Variants in ZDHHC17 observed in about 807,000 individuals in gnomAD.
ZDHHC17 encodes the protein zDHHC palmitoyltransferase 17, also known as palmitoyltransferase ZDHHC17.
A neutral mutation model predicts 90.3 loss-of-function variants in ZDHHC17; 40 were observed. The observed-to-expected ratio is 0.44, with a 90% CI of 0.34 to 0.58. The LOEUF (loss-of-function observed/expected upper bound fraction) is 0.58. ZDHHC17 is among the 20% of genes least tolerant of loss of function. ZDHHC17 has a pLI of 0.01. For missense variants in ZDHHC17, 614 were observed against 780.8 expected (o/e 0.79, Z 2.55); for synonymous variants, 235 against 252.4 (o/e 0.93, Z 0.65).
At chr12:76,764,888 AAG>A in intron 1 of ZDHHC17, 1 of 451,108 alleles carries the variant, frequency 2.2e-6, no homozygotes, top group Admixed American at 2.4e-5. Context: ...AGCGATTAAG[AAG>A]AGAGGTAAAA....
chr12:76,830,113 C>CT (rs1475934864), intron 10 of ZDHHC17, among the ~76,000 whole-genome samples: 14 of 152,148 alleles, frequency 9.2e-5, no homozygotes, highest in Admixed American at 8.5e-4. Flanking sequence ...GCAAGTTAGA[C>CT]TGATTTATTG....
intron 7 of ZDHHC17, 80 bp downstream of exon 7, chr12:76,816,099 A>C (rs1953084407): frequency 2.5e-6 from 3 of 1,198,732 alleles, no homozygotes; most frequent in Non-Finnish European, 2.2e-6. Context: ...TTTTTCATAG[A>C]CTGTCAGAGT....
chr12:76,785,248 G>GT (rs1285785531), intron 1 of ZDHHC17, among the ~76,000 whole-genome samples: 4 of 152,074 alleles, frequency 2.6e-5, no homozygotes, highest in Non-Finnish European at 5.9e-5. Context: ...AGGACCTTCA[G>GT]TTTTTTAGGG....
chr12:76,813,308 C>A, intron 5 of ZDHHC17: 1 of 437,636 alleles, frequency 2.3e-6, no homozygotes, highest in East Asian at 7.3e-5. Context: ...TTTTTTAAGC[C>A]ACAGGATTAT....
intron 9 of ZDHHC17, 58 bp downstream of exon 9, chr12:76,827,108 C>A: frequency 6.8e-7 from 1 of 1,470,998 alleles, no homozygotes; most frequent in South Asian, 1.4e-5. Flanking sequence ...ATAATTTGTA[C>A]TCTTGTATAA....
At chr12:76,842,553 A>T (rs7956561) in intron 11 of ZDHHC17, among the ~76,000 whole-genome samples, 149,173 of 152,292 alleles carry the variant, frequency 0.98, 73,132 homozygotes, top group Middle Eastern at 1. Context: ...GGAAACCAAT[A>T]TTATAATCTA....
intron 2 of ZDHHC17, among the ~76,000 whole-genome samples, chr12:76,800,359 A>G (rs1952870934): frequency 6.6e-6 from 1 of 152,364 alleles, no homozygotes; most frequent in Admixed American, 6.5e-5. Flanking sequence ...ACATGAATCC[A>G]GGCTGGCCAC....
At chr12:76,844,548 T>C (rs1478010712) in intron 12 of ZDHHC17, 2 of 152,174 alleles carry the variant, frequency 1.3e-5, no homozygotes, top group African/African-American at 4.8e-5. Context: ...CTTAACCAGT[T>C]AGTCTGTTTT....
intron 10 of ZDHHC17, among the ~76,000 whole-genome samples, chr12:76,837,240 G>A (rs1953376902): frequency 6.6e-6 from 1 of 152,130 alleles, no homozygotes; most frequent in Non-Finnish European, 1.5e-5. Flanking sequence ...GGTTCAGGTG[G>A]CTCTTGTGCC....
At chr12:76,845,675 G>T in intron 12 of ZDHHC17, 34 bp from the exon 13 acceptor site, 1 of 1,075,388 alleles carries the variant, frequency 9.3e-7, no homozygotes. Flanking sequence ...TTAGTATAAT[G>T]CCTTTCATAA....
chr12:76,848,426 G>T, intron 15 of ZDHHC17, 36 bp downstream of exon 15: 1 of 1,600,874 alleles, frequency 6.2e-7, no homozygotes, highest in Non-Finnish European at 8.5e-7. Flanking sequence ...TGCACTAAGT[G>T]AAAACTCTTC....
rs1953585307 is a variant in ZDHHC17 at position 76,853,229 on chromosome 12, T to C, written c.*2244T>C. The C allele has an allele frequency of 6.6e-6, 1 of 152,244 alleles. No individual in the cohort carries two copies. Among genetic ancestry groups the C allele is most frequent in the Non-Finnish European group, 1.5e-5 (1 of 68,004 alleles). The allele number at this position is 152,244 out of a possible 1,614,324, so 9.4% of individuals were successfully genotyped here. ...ACCTGTGAAATCTATAACTCAGAAA[T>C]GGTCAGATGGTCAGGAGCCAGCTAT... is the stretch of plus-strand genomic sequence containing the variant. On this transcript the variant is annotated 3_prime_UTR_variant, in exon 17 of 17. Transcript: ENST00000426126.
chr12:76,804,068 G>A (rs1952925481), intron 2 of ZDHHC17, among the ~76,000 whole-genome samples: 1 of 152,154 alleles, frequency 6.6e-6, no homozygotes, highest in Admixed American at 6.5e-5. Context: ...GCTTTACAAG[G>A]TTTGACAACT....
At chr12:76,772,899 C>G (rs1952512773) in intron 1 of ZDHHC17, among the ~76,000 whole-genome samples, 1 of 151,824 alleles carries the variant, frequency 6.6e-6, no homozygotes, top group South Asian at 2.1e-4. Flanking sequence ...TCTTGTTGCC[C>G]AGGCTGGAGT....
intron 10 of ZDHHC17, among the ~76,000 whole-genome samples, chr12:76,832,818 G>A (rs1225848668): frequency 6.6e-6 from 1 of 152,178 alleles, no homozygotes; most frequent in African/African-American, 2.4e-5. Flanking sequence ...AAGGACACTT[G>A]TTTATAGTTT....
chr12:76,826,778 G>T, intron 8 of ZDHHC17, 130 bp from the exon 9 acceptor site: 1 of 884,548 alleles, frequency 1.1e-6, no homozygotes, highest in South Asian at 2.2e-5. Flanking sequence ...GAATAGTACT[G>T]ATACATAGCA....
intron 14 of ZDHHC17, 120 bp from the exon 15 acceptor site, chr12:76,848,113 A>G: frequency 1.0e-6 from 1 of 956,366 alleles, no homozygotes; most frequent in Non-Finnish European, 1.5e-6. Flanking sequence ...TTGCTATTGA[A>G]TGTCATCAGT....
At chr12:76,782,265 G>A (rs1353311527) in intron 1 of ZDHHC17, among the ~76,000 whole-genome samples, 1 of 152,198 alleles carries the variant, frequency 6.6e-6, no homozygotes, top group African/African-American at 2.4e-5. Flanking sequence ...TGCCTGCTGG[G>A]TTGCAGAAAA....
At chr12:76,829,015 A>G (rs1438013369) in intron 10 of ZDHHC17, among the ~76,000 whole-genome samples, 7 of 152,228 alleles carry the variant, frequency 4.6e-5, no homozygotes, top group Non-Finnish European at 1.0e-4. Flanking sequence ...AATTAAAACT[A>G]CAATTTCACA....
Sources: allele counts gnomAD v4.1 joint callset (sites outside exome capture counted in the v4.1 genomes callset), GRCh38; gene constraint gnomAD v4.1.1; transcripts MANE v1.5; gene names NCBI Gene and HGNC (gene_info 2026-07-23, HGNC 2026-07-21).